Variants in ENAH observed in about 807,000 individuals in gnomAD.
The protein encoded by ENAH is ENAH actin regulator.
ENAH carries 23 observed loss-of-function variants against 78.7 expected under a neutral mutation model. The observed-to-expected ratio is 0.29, with a 90% CI of 0.21 to 0.41. ENAH has a LOEUF of 0.41. Ranked by LOEUF, ENAH falls within the 10% of genes least tolerant of loss-of-function variation. The pLI is 1.00. For missense variants in ENAH, 544 were observed against 691.0 expected, an observed-to-expected ratio of 0.79 and a Z score of 2.39; for synonymous variants, 226 against 241.0, an observed-to-expected ratio of 0.94 and a Z score of 0.58.
chr1:225,615,110 C>G (rs1351236184), intron 1 of ENAH, among the ~76,000 whole-genome samples: 1 of 152,184 alleles, frequency 6.6e-6, no homozygotes, highest in Non-Finnish European at 1.5e-5. Context: ...CTGGACTGTG[C>G]TGCCGCCATC....
rs2096533266 is a variant in ENAH, at chr1:225,530,628, C to T, written c.360G>A (p.Leu120=). The T allele has an allele frequency of 6.2e-7, 1 of 1,612,546 alleles. No individual in the cohort carries two copies. Among genetic ancestry groups the T allele is most frequent in the South Asian group, 1.1e-5 (1 of 90,994 alleles). Residue 120 remains leucine, a synonymous_variant, in exon 4 of 14, where the codon TTG becomes TTA. Coordinates refer to ENST00000366843, the MANE Select transcript of ENAH (RefSeq NM_018212.6). ...CAGGTAGTTGTGAGTTTTGTCTAGG[C>T]AATGTTGGCCCTACAGAGGGAGAAA... ...VLNSQETGPT[L]PRQNSQLPAQ... is the part of the protein sequence containing the mutation.
chr1:225,534,828 C>A (rs1021771600), intron 3 of ENAH, among the ~76,000 whole-genome samples: 3 of 151,990 alleles, frequency 2.0e-5, no homozygotes, highest in African/African-American at 7.2e-5. Flanking sequence ...TAGATAGATA[C>A]GTATCCTTAG....
intron 1 of ENAH, among the ~76,000 whole-genome samples, chr1:225,599,130 T>C (rs1045278538): frequency 6.6e-6 from 1 of 152,110 alleles, no homozygotes; most frequent in Non-Finnish European, 1.5e-5. Context: ...AATCCATTCA[T>C]GCAAAAACAA....
In ENAH at chr1:225,652,669, C is replaced by T. The variant is rs1000225632; in HGVS notation, c.5+17G>A. On this transcript the variant is annotated intron_variant, in intron 1 of 13. Transcript: ENST00000366843. ...GGCACAATGGCCCGCCCGGCCCCCG[C>T]CCCGCGCGCCCCTCACCTCATGGTG... The T allele has an allele frequency of 2.5e-5, 32 of 1,277,520 alleles. No homozygotes were observed. In the Admixed American group the frequency reaches 2.5e-4, roughly 10 times the overall value. 79.1% of individuals were successfully genotyped at this position (1,277,520 alleles called of 1,614,324 possible).
intron 12 of ENAH, among the ~76,000 whole-genome samples, chr1:225,500,638 A>G (rs1405336621): frequency 6.6e-6 from 1 of 152,078 alleles, no homozygotes; most frequent in African/African-American, 2.4e-5. Flanking sequence ...GTTTCCTTGC[A>G]CTCTTGCCAA....
At chr1:225,559,050 ACTT>A (rs2096685279) in intron 2 of ENAH, among the ~76,000 whole-genome samples, 1 of 152,168 alleles carries the variant, frequency 6.6e-6, no homozygotes, top group African/African-American at 2.4e-5. Context: ...AGTCAACAAT[ACTT>A]CTTTTTCAAG....
intron 1 of ENAH, among the ~76,000 whole-genome samples, chr1:225,597,602 T>G (rs475794): frequency 0.91 from 135,758 of 149,316 alleles, 61,815 homozygotes; most frequent in Middle Eastern, 0.96. Flanking sequence ...AGGCTGCAGT[T>G]AGCCATGACT....
chr1:225,498,464 T>C (rs1575287555), intron 12 of ENAH, 60 bp from the exon 13 acceptor site: 4 of 1,059,794 alleles, frequency 3.8e-6, no homozygotes, highest in Non-Finnish European at 5.5e-6. Context: ...AAGAGATTCT[T>C]ACTCATAAAA....
chr1:225,629,311 C>T (rs1324180636), intron 1 of ENAH, among the ~76,000 whole-genome samples: 5 of 150,838 alleles, frequency 3.3e-5, no homozygotes, highest in Non-Finnish European at 7.4e-5. Context: ...AAAGGCTGGG[C>T]GCTGTGGCTC....
intron 1 of ENAH, among the ~76,000 whole-genome samples, chr1:225,637,580 G>C (rs548837298): frequency 6.6e-6 from 1 of 152,306 alleles, no homozygotes; most frequent in South Asian, 2.1e-4. Context: ...AAGGTAGGGT[G>C]ACAGATCTAG....
intron 3 of ENAH, among the ~76,000 whole-genome samples, chr1:225,541,542 T>C (rs1291018398): frequency 2.0e-5 from 3 of 152,138 alleles, no homozygotes; most frequent in Non-Finnish European, 4.4e-5. Flanking sequence ...GTAAACCGTA[T>C]GGTATGTGAA....
intron 2 of ENAH, among the ~76,000 whole-genome samples, chr1:225,558,400 A>G (rs1045971670): frequency 2.6e-5 from 4 of 152,280 alleles, no homozygotes; most frequent in Admixed American, 1.3e-4. Context: ...TAATTTCTTT[A>G]AAGTGTTTTC....
intron 4 of ENAH, among the ~76,000 whole-genome samples, chr1:225,522,772 A>G (rs2096479874): frequency 6.6e-6 from 1 of 152,340 alleles, no homozygotes; most frequent in Non-Finnish European, 1.5e-5. Context: ...TTGGGCCCAA[A>G]GGGCAAAAGA....
intron 4 of ENAH, chr1:225,524,456 A>G (rs1409576316): frequency 1.0e-5 from 3 of 295,778 alleles, no homozygotes; most frequent in African/African-American, 6.8e-5. Flanking sequence ...TTTCTCAGAA[A>G]ATAAAACTAC....
intron 1 of ENAH, among the ~76,000 whole-genome samples, chr1:225,633,182 A>G (rs985946197): frequency 2.0e-5 from 3 of 151,676 alleles, no homozygotes; most frequent in African/African-American, 7.3e-5. Flanking sequence ...AGCTGGAACT[A>G]CAGGCACCTG....
intron 1 of ENAH, among the ~76,000 whole-genome samples, chr1:225,630,436 T>C (rs1000260093): frequency 4.6e-5 from 7 of 152,192 alleles, no homozygotes; most frequent in African/African-American, 1.7e-4. Context: ...CTCGTACATA[T>C]AGGGTTCTTA....
chr1:225,621,516 T>A (rs1398457783), intron 1 of ENAH, among the ~76,000 whole-genome samples: 2 of 151,886 alleles, frequency 1.3e-5, no homozygotes, highest in African/African-American at 4.8e-5. Context: ...ATGGTCTCGA[T>A]CTCCTGACCT....
chr1:225,494,040 G>A lies in ENAH; in HGVS notation c.*3735C>T, dbSNP rs994296965. The A allele has an allele frequency of 3.5e-5, 3 of 84,788 alleles. No individual in the cohort carries two copies. Among genetic ancestry groups the A allele is most frequent in the Non-Finnish European group, 6.5e-5 (3 of 46,332 alleles). 5.3% of individuals were successfully genotyped at this position (84,788 alleles called of 1,614,324 possible). On this transcript the variant is annotated 3_prime_UTR_variant, in exon 14 of 14. Transcript: ENST00000366843. ...AATACTGACTTACATATGAAGAGAAGCAAGAACATGAGACAGGCTAGAGCA... is the reference window on the plus strand; with the variant it reads ...AATACTGACTTACATATGAAGAGAAACAAGAACATGAGACAGGCTAGAGCA...
chr1:225,519,131 A>G (rs2096445027), intron 5 of ENAH, 67 bp downstream of exon 5: 3 of 1,555,052 alleles, frequency 1.9e-6, no homozygotes, highest in South Asian at 2.5e-5. Context: ...ATTTTAACAC[A>G]TGACTGCACA....
Sources: allele counts gnomAD v4.1 joint callset (sites outside exome capture counted in the v4.1 genomes callset), GRCh38; gene constraint gnomAD v4.1.1; transcripts MANE v1.5; gene names NCBI Gene and HGNC (gene_info 2026-07-23, HGNC 2026-07-21).